SUPT3H: variants seen among roughly 807,000 people sequenced by gnomAD.
SUPT3H encodes transcription initiation protein SPT3 homolog.
A neutral mutation model predicts 44.3 loss-of-function variants in SUPT3H; 44 were observed. That is an observed-to-expected ratio of 0.99 (90% CI 0.78 to 1.28). The LOEUF (loss-of-function observed/expected upper bound fraction) is 1.28. Among genes scored for constraint, SUPT3H ranks in the 50% most tolerant of loss-of-function variants. The pLI is 0.00. For synonymous variants in SUPT3H, 124 were observed against 125.6 expected, an observed-to-expected ratio of 0.99 and a Z score of 0.09; for missense variants, 380 against 387.1, an observed-to-expected ratio of 0.98 and a Z score of 0.15.
chr6:45,338,554 T>C (rs1216115429), intron 2 of SUPT3H, among the ~76,000 whole-genome samples: 2 of 152,048 alleles, frequency 1.3e-5, no homozygotes, highest in Non-Finnish European at 2.9e-5. Context: ...ACCAAGTGTA[T>C]TTCAGTGTCA....
intron 10 of SUPT3H, among the ~76,000 whole-genome samples, chr6:44,866,374 C>T: frequency 6.6e-6 from 1 of 151,944 alleles, no homozygotes. Flanking sequence ...GTCCCACTTA[C>T]TTGGGAAGTT....
At chr6:44,809,397 G>GCAGAATTAAA (rs1478909945) in exon 12 of SUPT3H, 1 of 152,230 alleles carries the variant, frequency 6.6e-6, no homozygotes, top group East Asian at 1.9e-4. Flanking sequence ...AGCAGAAAAT[G>GCAGAATTAAA]CAGAATTAAA....
At chr6:44,953,510 A>G (rs1012242867) in intron 8 of SUPT3H, 93 bp from the exon 9 acceptor site, 10 of 965,286 alleles carry the variant, frequency 1.0e-5, no homozygotes, top group African/African-American at 3.2e-5. Context: ...TCTGAATGTT[A>G]CTGATAATCC....
chr6:44,888,393 A>G (rs1226470650), intron 10 of SUPT3H, among the ~76,000 whole-genome samples: 1 of 152,184 alleles, frequency 6.6e-6, no homozygotes, highest in East Asian at 1.9e-4. Flanking sequence ...CGAATCCAGC[A>G]GCACATCAAA....
chr6:44,888,438 C>A (rs1429230000), intron 10 of SUPT3H, among the ~76,000 whole-genome samples: 1 of 152,144 alleles, frequency 6.6e-6, no homozygotes, highest in African/African-American at 2.4e-5. Flanking sequence ...GGCTTCATCC[C>A]TGGGATGCAA....
At chr6:44,997,654 CT>C (rs1781445909) in intron 6 of SUPT3H, among the ~76,000 whole-genome samples, 1 of 151,818 alleles carries the variant, frequency 6.6e-6, no homozygotes, top group South Asian at 2.1e-4. Context: ...ATAGCAATGC[CT>C]TTTATTGCAC....
chr6:44,880,779 T>A (rs1778093190), intron 10 of SUPT3H, among the ~76,000 whole-genome samples: 1 of 152,206 alleles, frequency 6.6e-6, no homozygotes, highest in Non-Finnish European at 1.5e-5. Context: ...ATATTCAACA[T>A]TCTTAAAGAA....
chr6:44,835,320 T>C (rs1769631361), intron 10 of SUPT3H, among the ~76,000 whole-genome samples: 1 of 152,174 alleles, frequency 6.6e-6, no homozygotes, highest in South Asian at 2.1e-4. Flanking sequence ...CCCAAACTAC[T>C]GTTAACTCCT....
chr6:45,221,236 T>C (rs1212848350), intron 2 of SUPT3H, among the ~76,000 whole-genome samples: 1 of 152,032 alleles, frequency 6.6e-6, no homozygotes, highest in African/African-American at 2.4e-5. Context: ...GGTGGGGGCA[T>C]GCGGGAGGGA....
intron 2 of SUPT3H, among the ~76,000 whole-genome samples, chr6:45,229,871 T>C (rs900966202): frequency 2.6e-5 from 4 of 152,180 alleles, no homozygotes; most frequent in African/African-American, 4.8e-5. Context: ...ATATATATAA[T>C]ATTCTTACTA....
intron 3 of SUPT3H, among the ~76,000 whole-genome samples, chr6:45,067,700 A>G (rs561096567): frequency 0.011 from 1,588 of 149,750 alleles, 39 homozygotes; most frequent in African/African-American, 0.037. Flanking sequence ...CAGCCAAGAA[A>G]CACATGAAAA....
At chr6:45,039,382 G>C (rs1415016247) in intron 3 of SUPT3H, among the ~76,000 whole-genome samples, 1 of 151,974 alleles carries the variant, frequency 6.6e-6, no homozygotes, top group African/African-American at 2.4e-5. Context: ...AAACAAAATA[G>C]CAAAATGTCA....
In SUPT3H at chr6:45,165,948, A is replaced by G. The variant is rs114157708; in HGVS notation, c.102-59942T>C. 5.3e-3 allele frequency among the ~76,000 whole-genome samples: 810 copies of G among 152,356 alleles called. 7 individuals carry two copies. The highest frequency in any genetic ancestry group is 0.018 in the African/African-American group (756 of 41,584). The stretch of plus-strand genomic sequence containing the variant: ...TTGGAGGAAAATATATGTAAAACAC[A>G]TACCTGATAAAAGACGTGTATCTAG... On this transcript the variant is annotated intron_variant, in intron 2 of 10. Transcript: ENST00000371459.
chr6:45,128,555 TATACACACAC>T (rs1197700743), intron 2 of SUPT3H, among the ~76,000 whole-genome samples: 4,426 of 58,136 alleles, frequency 0.076, 185 homozygotes, highest in African/African-American at 0.11. Flanking sequence ...TATATATATA[TATACACACAC>T]ACACACACAC....
At chr6:45,034,720 C>T (rs1463592759) in intron 3 of SUPT3H, among the ~76,000 whole-genome samples, 1 of 152,100 alleles carries the variant, frequency 6.6e-6, no homozygotes, top group African/African-American at 2.4e-5. Flanking sequence ...AAATTTCTGA[C>T]ACTTTACATT....
intron 2 of SUPT3H, among the ~76,000 whole-genome samples, chr6:45,334,679 T>C (rs1435900352): frequency 6.6e-6 from 1 of 151,194 alleles, no homozygotes; most frequent in Non-Finnish European, 1.5e-5. Flanking sequence ...TTAACATTTT[T>C]ATACATGGCA....
At chr6:45,216,037 T>TG (rs547388598) in intron 2 of SUPT3H, among the ~76,000 whole-genome samples, 91 of 152,022 alleles carry the variant, frequency 6.0e-4, no homozygotes, top group African/African-American at 2.1e-3. Flanking sequence ...ATGAAAAGTG[T>TG]GGGGGGATGG....
At chr6:45,184,368 G>A (rs1285345706) in intron 2 of SUPT3H, among the ~76,000 whole-genome samples, 1 of 151,932 alleles carries the variant, frequency 6.6e-6, no homozygotes, top group Non-Finnish European at 1.5e-5. Flanking sequence ...ATTCTAACAG[G>A]GGAAATGGTA....
At chr6:45,198,779 T>C (rs1378897415) in intron 2 of SUPT3H, among the ~76,000 whole-genome samples, 1 of 151,144 alleles carries the variant, frequency 6.6e-6, no homozygotes, top group African/African-American at 2.4e-5. Flanking sequence ...AAGTTACATT[T>C]GGAACACCAA....
Sources: gnomAD v4.1 joint callset for allele counts (sites outside exome capture counted in the v4.1 genomes callset) on GRCh38, gnomAD v4.1.1 for gene constraint, MANE v1.5 for transcripts, NCBI Gene and HGNC (gene_info 2026-07-23, HGNC 2026-07-21) for gene names.